The following ADGRB3 variants were observed in gnomAD, a reference collection of about 807,000 sequenced individuals.
ADGRB3 encodes the protein adhesion G protein-coupled receptor B3.
Under a neutral mutation model 193.4 loss-of-function variants are expected in ADGRB3, and 37 were observed. The observed-to-expected ratio is 0.19, with a 90% CI of 0.15 to 0.25. The LOEUF (loss-of-function observed/expected upper bound fraction) is 0.25, where lower values mean the gene tolerates loss of function less well. Ranked by LOEUF, ADGRB3 falls within the 10% of genes least tolerant of loss-of-function variation. ADGRB3 has a pLI of 1.00. For synonymous variants in ADGRB3, 690 were observed against 644.2 expected, an observed-to-expected ratio of 1.07 and a Z score of -1.08; for missense variants, 1,637 against 1,852.9, an observed-to-expected ratio of 0.88 and a Z score of 2.14.
At chr6:68,642,163 A>G (rs565789218) in intron 3 of ADGRB3, among the ~76,000 whole-genome samples, 48 of 152,294 alleles carry the variant, frequency 3.2e-4, no homozygotes, top group African/African-American at 8.9e-4. Context: ...ACTAATAAAT[A>G]CTGACTCAGA....
At chr6:69,362,908 A>T (rs1470394461) in intron 29 of ADGRB3, among the ~76,000 whole-genome samples, 1 of 152,050 alleles carries the variant, frequency 6.6e-6, no homozygotes, top group Non-Finnish European at 1.5e-5. Context: ...AAGGATTTTC[A>T]GTAAGTGTGC....
In ADGRB3 at chr6:69,063,166, A is replaced by G. The variant is rs184722037; in HGVS notation, c.2436+130A>G. 4.3e-4 allele frequency: 255 copies of G among 591,226 alleles called. 1 individual carries two copies. Among genetic ancestry groups the G allele is most frequent in the African/African-American group, 4.2e-3 (225 of 52,988 alleles). 36.6% of individuals were successfully genotyped at this position (591,226 alleles called of 1,614,324 possible). A position where few individuals can be genotyped will look rare whatever the true frequency, so the allele number is the denominator to read the frequency against. On this transcript the variant is annotated intron_variant, in intron 16 of 31. Coordinates refer to ENST00000370598, the MANE Select transcript of ADGRB3 (RefSeq NM_001704.3). ...GCAAATATATTAACTTGTTATGAGT[A>G]TGTGTATTATAAAGAAACAGAATGA...
chr6:69,115,968 A>G (rs1773520069), intron 17 of ADGRB3, among the ~76,000 whole-genome samples: 1 of 152,230 alleles, frequency 6.6e-6, no homozygotes, highest in Non-Finnish European at 1.5e-5. Context: ...GGTTTGCACA[A>G]TTATGGAGGC....
intron 3 of ADGRB3, among the ~76,000 whole-genome samples, chr6:68,878,402 A>AT (rs1356519098): frequency 6.6e-6 from 1 of 151,868 alleles, no homozygotes; most frequent in Non-Finnish European, 1.5e-5. Flanking sequence ...ATTTGCAGTG[A>AT]TTTTTACTGA....
chr6:69,374,432 T>A (rs2127341964), intron 30 of ADGRB3, among the ~76,000 whole-genome samples: 1 of 152,198 alleles, frequency 6.6e-6, no homozygotes, highest in Admixed American at 6.5e-5. Context: ...GCAAGCTTTA[T>A]CATATAATGG....
At chr6:69,278,270 G>A (rs903737269) in intron 20 of ADGRB3, among the ~76,000 whole-genome samples, 2 of 152,166 alleles carry the variant, frequency 1.3e-5, no homozygotes, top group African/African-American at 4.8e-5. Flanking sequence ...CATACATTCT[G>A]ATCGTTGTTT....
At chr6:68,638,270 G>A (rs1768001343) in intron 2 of ADGRB3, among the ~76,000 whole-genome samples, 1 of 151,680 alleles carries the variant, frequency 6.6e-6, no homozygotes, top group East Asian at 1.9e-4. Flanking sequence ...AGGTTGTATA[G>A]ACTATAGACT....
At chr6:68,866,279 A>C (rs1010851916) in intron 3 of ADGRB3, among the ~76,000 whole-genome samples, 1 of 152,098 alleles carries the variant, frequency 6.6e-6, no homozygotes, top group Non-Finnish European at 1.5e-5. Flanking sequence ...TGAGTTCTCA[A>C]TGAGATATGA....
At chr6:68,958,882 T>TAATA (rs1427384826) in intron 8 of ADGRB3, among the ~76,000 whole-genome samples, 76 of 150,968 alleles carry the variant, frequency 5.0e-4, no homozygotes, top group East Asian at 2.3e-3. Context: ...TGTGTGTGTG[T>TAATA]GTGTGTGTGT....
chr6:68,702,528 AGACTTCTTATT>A (rs1765258111), intron 3 of ADGRB3, among the ~76,000 whole-genome samples: 1 of 152,218 alleles, frequency 6.6e-6, no homozygotes, highest in African/African-American at 2.4e-5. Context: ...AATTATTTTT[AGACTTCTTATT>A]GACTTAAGTG....
chr6:68,810,598 G>A (rs1186109291), intron 3 of ADGRB3, among the ~76,000 whole-genome samples: 1 of 152,158 alleles, frequency 6.6e-6, no homozygotes, highest in African/African-American at 2.4e-5. Context: ...TTGAGAAGTG[G>A]TTTGAGGTAG....
intron 17 of ADGRB3, among the ~76,000 whole-genome samples, chr6:69,088,548 A>G (rs1314705179): frequency 6.6e-6 from 1 of 152,020 alleles, no homozygotes; most frequent in Non-Finnish European, 1.5e-5. Flanking sequence ...AATTTTTTGT[A>G]TTATTAGTAG....
chr6:69,186,178 C>CAAAAAAAAA (rs70987457), intron 17 of ADGRB3, among the ~76,000 whole-genome samples: 2 of 107,422 alleles, frequency 1.9e-5, no homozygotes, highest in African/African-American at 3.2e-5. Flanking sequence ...AATGAAATAG[C>CAAAAAAAAA]AAAAAAAAAA....
intron 20 of ADGRB3, among the ~76,000 whole-genome samples, chr6:69,265,468 T>C (rs1197696344): frequency 6.6e-6 from 1 of 151,924 alleles, no homozygotes; most frequent in Non-Finnish European, 1.5e-5. Flanking sequence ...CCATGTTCCA[T>C]ATGGGGAAGC....
Position 69,062,978 on chromosome 6 carries a change from G to C in ADGRB3, c.2378G>C (p.Arg793Thr), listed in dbSNP as rs760010499. Residue 793 changes from arginine to threonine, a missense_variant, in exon 16 of 32, where the codon AGG becomes ACG. By Grantham distance (71) the Arg-to-Thr change is moderately conservative. Transcript: ENST00000370598. ...TCCAAAATCATCGTGGTCACAATAA[G>C]GCCTGAACCCAAAACAACCGATTCG... is the stretch of plus-strand genomic sequence containing the variant. The part of the protein sequence containing the change: ...INSKIIVVTI[R>T]PEPKTTDSFL... 9 of 1,612,274 alleles carry C rather than the reference G, an allele frequency of 5.6e-6. No homozygotes were observed. In the Admixed American group the frequency reaches 1.5e-4, roughly 27 times the overall value.
intron 24 of ADGRB3, among the ~76,000 whole-genome samples, chr6:69,334,435 T>G (rs1377240424): frequency 6.6e-6 from 1 of 152,188 alleles, no homozygotes; most frequent in Non-Finnish European, 1.5e-5. Context: ...AGAAATGCAA[T>G]AGCGTAATAA....
At chr6:69,226,990 G>A (rs971565) in intron 17 of ADGRB3, among the ~76,000 whole-genome samples, 21,552 of 152,218 alleles carry the variant, frequency 0.14, 1,590 homozygotes, top group Middle Eastern at 0.16. Context: ...AGATTCAGAG[G>A]AGGAGGTAAT....
At chr6:69,097,618 G>A (rs1772919605) in intron 17 of ADGRB3, among the ~76,000 whole-genome samples, 1 of 151,876 alleles carries the variant, frequency 6.6e-6, no homozygotes, top group African/African-American at 2.4e-5. Flanking sequence ...CTACATTCTG[G>A]AGCTATTGCA....
chr6:68,799,825 C>T (rs1767278566), intron 3 of ADGRB3, among the ~76,000 whole-genome samples: 1 of 151,952 alleles, frequency 6.6e-6, no homozygotes, highest in Non-Finnish European at 1.5e-5. Flanking sequence ...ACTATGCACA[C>T]CATGAAATAG....
Sources: gnomAD v4.1 joint callset for allele counts (sites outside exome capture counted in the v4.1 genomes callset) on GRCh38, gnomAD v4.1.1 for gene constraint, MANE v1.5 for transcripts, NCBI Gene and HGNC (gene_info 2026-07-23, HGNC 2026-07-21) for gene names.